Variants in CASKIN2 observed in about 807,000 individuals in gnomAD.
The protein encoded by CASKIN2 is caskin-2.
CASKIN2 carries 41 observed loss-of-function variants against 107.1 expected under a neutral mutation model. That is an observed-to-expected ratio of 0.38 (90% CI 0.30 to 0.50). CASKIN2 has a LOEUF of 0.50. Among genes scored for constraint, CASKIN2 ranks in the 20% least tolerant of loss-of-function variants. CASKIN2 has a pLI of 0.92. For missense variants in CASKIN2, 1,546 were observed against 1,657.4 expected (o/e 0.93, Z 1.17); for synonymous variants, 724 against 705.6 (o/e 1.03, Z -0.41).
rs374068787 is a variant in CASKIN2 at position 75,501,993 on chromosome 17, A to G, written c.3081T>C (p.Pro1027=). The change falls in exon 18 of 20, where the codon CCT becomes CCC. Residue 1027 remains proline, a synonymous_variant. Transcript: ENST00000321617. ...GPAAPLPSPT[P]GESPPASSLP... The stretch of plus-strand genomic sequence containing the variant: ...GGCTAGAAGCTGGAGGAGACTCGCC[A>G]GGAGTTGGGGAAGGCAGTGGGGCAG... 5.8e-5 allele frequency: 94 copies of G among 1,612,374 alleles called. No homozygotes were observed. Among genetic ancestry groups the G allele is most frequent in the East Asian group, 5.1e-4 (23 of 44,860 alleles).
In CASKIN2 at chr17:75,505,675, G is replaced by C. The variant is rs1357166539; in HGVS notation, c.836-24C>G. On this transcript the variant is annotated intron_variant, in intron 9 of 19. Transcript: ENST00000321617. This position sits in a 1 kb window ranked among gnomAD's most constrained non-coding sequence, Gnocchi z 5.1. ...CTCTAAGAAAACGGGGTGGGGGACA[G>C]GTGTCATCTAAGGGTCCTTAGGGCA... 2 of 1,605,150 alleles carry C rather than the reference G, an allele frequency of 1.2e-6. No homozygotes were observed. Among genetic ancestry groups the C allele is most frequent in the Non-Finnish European group, 1.7e-6 (2 of 1,174,050 alleles).
At position 75,506,455 on chromosome 17, in the gene CASKIN2, G is replaced by C. The variant is rs200502868; in HGVS notation, c.618-42C>G. On this transcript the variant is annotated intron_variant, in intron 7 of 19. Coordinates refer to ENST00000321617, the MANE Select transcript of CASKIN2 (RefSeq NM_020753.5). The surrounding 1 kb of genome is among the most constrained non-coding windows in gnomAD (Gnocchi z 4.8). ...GAGTCACGGGGGAGGTGGCGTAGGA[G>C]GGGGTGCTGACTGCTGGGGGCCTGG... The C allele has an allele frequency of 3.1e-6, 5 of 1,588,270 alleles. No individual in the cohort carries two copies. In the East Asian group the frequency reaches 1.1e-4, roughly 35 times the overall value.
Position 75,504,911 on chromosome 17 carries a change from G to A in CASKIN2, c.1093C>T (p.Pro365Ser). The stretch of plus-strand genomic sequence containing the variant: ...GGCTGCGGTGTCCGGGAGAAGCCTG[G>A]GCGCAGGGGGGTGGGTGCGGAGGGG... ...RLPSAPTPLR[P>S]GFSRTPQPPA... is the part of the protein sequence containing the mutation. Residue 365 changes from proline to serine, a missense_variant, in exon 11 of 20, where the codon CCA (proline) becomes TCA (serine). Transcript: ENST00000321617. The A allele has an allele frequency of 6.2e-7, 1 of 1,609,276 alleles. No homozygotes were observed. Among genetic ancestry groups the A allele is most frequent in the African/African-American group, 1.3e-5 (1 of 74,892 alleles).
In CASKIN2 at chr17:75,503,130, G is replaced by A. The variant is rs143732418; in HGVS notation, c.1944C>T (p.Ile648=). 265 of 1,606,230 alleles carry A rather than the reference G, an allele frequency of 1.6e-4. 1 individual carries two copies. In the Admixed American group the frequency reaches 3.2e-3, roughly 19 times the overall value. The change falls in exon 18 of 20, where the codon ATC becomes ATT. Residue 648 remains isoleucine (I), a synonymous_variant. Transcript: ENST00000321617. ...GGCCTTCTCCGTTCTCCAGTCCCTC[G>A]ATGGCCATCAGCTCCGGACCCTTGG... The part of the protein sequence containing the change: ...RLAKGPELMA[I]EGLENGEGPA...
chr17:75,502,980 C>T lies in CASKIN2; in HGVS notation c.2094G>A (p.Gln698=), dbSNP rs771536690. Residue 698 remains glutamine, a synonymous_variant, in exon 18 of 20, where the codon CAG becomes CAA. Coordinates refer to ENST00000321617, the MANE Select transcript of CASKIN2 (RefSeq NM_020753.5). The surrounding 1 kb of genome is among the most constrained non-coding windows in gnomAD (Gnocchi z 4.3). The stretch of plus-strand genomic sequence containing the variant: ...CCCGTGAGCGTGCCCCGATGCTCTC[C>T]TGGCTGGGAGAGCGGGCAGGTGGGA... ...LPLPPARSPS[Q]ESIGARSRGS... is the part of the protein sequence containing the mutation. 7.5e-6 allele frequency: 12 copies of T among 1,604,812 alleles called. No homozygotes were observed. In the African/African-American group the frequency reaches 1.6e-4, roughly 21 times the overall value.
Position 75,504,302 on chromosome 17 carries a change from G to A in CASKIN2, c.1380C>T (p.Asn460=), listed in dbSNP as rs373644461. 13 of 1,607,750 alleles carry A rather than the reference G, an allele frequency of 8.1e-6. No individual in the cohort carries two copies. Among genetic ancestry groups the A allele is most frequent in the Non-Finnish European group, 1.1e-5 (13 of 1,177,550 alleles). Residue 460 remains asparagine (N), a synonymous_variant, in exon 14 of 20, where the codon AAC becomes AAT. Coordinates refer to ENST00000321617, the MANE Select transcript of CASKIN2 (RefSeq NM_020753.5). ...PGLHPPSLAD[N]LSHRPLANCR... ...AGTTGGCCAGAGGGCGGTGGCTCAG[G>A]TTGTCTTCAAGGAGAGAGAAAAATG...
At position 75,505,441 on chromosome 17, in the gene CASKIN2, T is replaced by G; in HGVS notation, c.930+116A>C. ...CTGCCTTCCCTGGCTTTAAGAAGAA[T>G]TAAATGAGGGTGCATATAGAGACCT... On this transcript the variant is annotated intron_variant, in intron 10 of 19. Coordinates refer to ENST00000321617, the MANE Select transcript of CASKIN2 (RefSeq NM_020753.5). This position sits in a 1 kb window ranked among gnomAD's most constrained non-coding sequence, Gnocchi z 5.1. 2.2e-6 allele frequency: 2 copies of G among 917,872 alleles called. No homozygotes were observed. Among genetic ancestry groups the G allele is most frequent in the Non-Finnish European group, 3.5e-6 (2 of 571,822 alleles). The allele number at this position is 917,872 out of a possible 1,614,324, so 56.9% of individuals were successfully genotyped here.
Position 75,504,971 on chromosome 17 carries a change from C to G in CASKIN2, c.1033G>C (p.Val345Leu). ...GCAGGGATGCCCACCCGCTTGCTGA[C>G]CACCTCGACAATGCCCGGGGGGAAG... ...GYFPPGIVEV[V>L]SKRVGIPAAR... Residue 345 changes from valine (V) to leucine (L), a missense_variant, in exon 11 of 20, where the codon GTC (valine) becomes CTC (leucine). Val to Leu is a conservative substitution (Grantham distance 32, BLOSUM62 1). Around this residue, in one of 6 missense-constraint regions of CASKIN2, gnomAD observed 1,311 missense variants for 1,311.0 expected, o/e 1.00. Transcript: ENST00000321617. 2 of 1,612,214 alleles carry G rather than the reference C, an allele frequency of 1.2e-6. No homozygotes were observed. The highest frequency in any genetic ancestry group is 1.7e-6 in the Non-Finnish European group (2 of 1,179,678).
Position 75,503,752 on chromosome 17 carries a change from C to T in CASKIN2, c.1587G>A (p.Thr529=), listed in dbSNP as rs370943024. 41 of 1,612,226 alleles carry T rather than the reference C, an allele frequency of 2.5e-5. No individual in the cohort carries two copies. The highest frequency in any genetic ancestry group is 3.2e-5 in the Non-Finnish European group (38 of 1,179,980). The change falls in exon 16 of 20, where the codon ACG becomes ACA. Residue 529 remains threonine, a synonymous_variant. Coordinates refer to ENST00000321617, the MANE Select transcript of CASKIN2 (RefSeq NM_020753.5). ...GCCCAGGCTTGGTCACCCCGATGGC[C>T]GTCAGGTCCTGCCACACAAAGTCTG... ...TISRMTPEDL[T]AIGVTKPGHR...
At chr17:75,508,762 A>C (rs1428924613) in intron 2 of CASKIN2, among the ~76,000 whole-genome samples, 3 of 152,206 alleles carry the variant, frequency 2.0e-5, no homozygotes, top group Non-Finnish European at 4.4e-5. Context: ...ACAGACCTCT[A>C]CCCAACACTG....
At position 75,504,935 on chromosome 17, in the gene CASKIN2, G is replaced by T. The variant is rs1253096342; in HGVS notation, c.1069C>A (p.Pro357Thr). ...KRVGIPAARL[P>T]SAPTPLRPGF... ...GGGCGCAGGGGGGTGGGTGCGGAGGGGAGGCGGGCTGCAGGGATGCCCACC... is the reference window on the plus strand; with the variant it reads ...GGGCGCAGGGGGGTGGGTGCGGAGGTGAGGCGGGCTGCAGGGATGCCCACC... Residue 357 changes from proline to threonine, a missense_variant, in exon 11 of 20, where the codon CCC becomes ACC. Pro to Thr is a conservative substitution (Grantham distance 38). Coordinates refer to ENST00000321617, the MANE Select transcript of CASKIN2 (RefSeq NM_020753.5). The T allele has an allele frequency of 6.2e-7, 1 of 1,610,314 alleles. No individual in the cohort carries two copies. Among genetic ancestry groups the T allele is most frequent in the African/African-American group, 1.3e-5 (1 of 74,852 alleles).
intron 2 of CASKIN2, 135 bp from the exon 3 acceptor site, chr17:75,508,420 C>T (rs750196002): frequency 4.4e-5 from 42 of 951,444 alleles, no homozygotes; most frequent in Admixed American, 4.2e-4. Flanking sequence ...CCGCCTGTCC[C>T]GTCCCTGTGG....
rs2053175007 is a variant in CASKIN2 at position 75,501,135 on chromosome 17, T to C, written c.3554A>G (p.Asp1185Gly). 3 of 1,593,728 alleles carry C rather than the reference T, an allele frequency of 1.9e-6. No individual in the cohort carries two copies. In the East Asian group the frequency reaches 6.8e-5, roughly 36 times the overall value. The change falls in exon 20 of 20, where the codon GAC becomes GGC. Residue 1185 changes from aspartate to glycine, a missense_variant. Coordinates refer to ENST00000321617, the MANE Select transcript of CASKIN2 (RefSeq NM_020753.5). ...CAGGGCGTCGAACATGGTGCTGATG[T>C]CATCCAGAATGTGCTTGGTGGAGGC... ...PSASTKHILD[D>G]ISTMFDALAD...
intron 2 of CASKIN2, among the ~76,000 whole-genome samples, chr17:75,513,508 A>T (rs1486568812): frequency 1.3e-5 from 2 of 152,110 alleles, no homozygotes; most frequent in Non-Finnish European, 2.9e-5. Flanking sequence ...CAGCCCAGAG[A>T]GGTTAAGTGA....
In CASKIN2 at chr17:75,506,534, G is replaced by A. The variant is rs1282181654; in HGVS notation, c.617+49C>T. 5 of 1,606,048 alleles carry A rather than the reference G, an allele frequency of 3.1e-6. No homozygotes were observed. Among genetic ancestry groups the A allele is most frequent in the East Asian group, 2.2e-5 (1 of 44,750 alleles). Reference sequence around the variant, plus strand: ...GTGGGGGAGAGCACTGAGGGGCACCGATGGTCCCGCAGGCAGGTGATGAGG... The same window carrying A: ...GTGGGGGAGAGCACTGAGGGGCACCAATGGTCCCGCAGGCAGGTGATGAGG... On this transcript the variant is annotated intron_variant, in intron 7 of 19. Transcript: ENST00000321617. This position sits in a 1 kb window ranked among gnomAD's most constrained non-coding sequence, Gnocchi z 4.8.
intron 2 of CASKIN2, among the ~76,000 whole-genome samples, chr17:75,510,077 G>C (rs1295280985): frequency 6.6e-6 from 1 of 152,184 alleles, no homozygotes; most frequent in Non-Finnish European, 1.5e-5. Flanking sequence ...CCTTCTTCCC[G>C]GGCCTGGCGC....
rs776343251 is a variant in CASKIN2, at chr17:75,506,563, C to T, written c.617+20G>A. On this transcript the variant is annotated intron_variant, in intron 7 of 19. Transcript: ENST00000321617. The surrounding 1 kb of genome is among the most constrained non-coding windows in gnomAD (Gnocchi z 4.8). ...GTCCCGCAGGCAGGTGATGAGGAAG[C>T]GAGGGGACCCCAAGGGTACCTGATG... 3 of 1,610,514 alleles carry T rather than the reference C, an allele frequency of 1.9e-6. No individual in the cohort carries two copies. The highest frequency in any genetic ancestry group is 2.2e-5 in the South Asian group (2 of 90,850).
At chr17:75,512,165 G>C (rs2053320799) in intron 2 of CASKIN2, among the ~76,000 whole-genome samples, 1 of 152,218 alleles carries the variant, frequency 6.6e-6, no homozygotes, top group African/African-American at 2.4e-5. Context: ...CAGGTGTTCA[G>C]GTAGCCTGGG....
At chr17:75,510,409 T>C (rs1246978868) in intron 2 of CASKIN2, among the ~76,000 whole-genome samples, 1 of 151,278 alleles carries the variant, frequency 6.6e-6, no homozygotes, top group African/African-American at 2.4e-5. Context: ...AAAAGGGGAG[T>C]CCTGACGCCT....
Sources: allele counts gnomAD v4.1 joint callset (sites outside exome capture counted in the v4.1 genomes callset), GRCh38; gene constraint gnomAD v4.1.1; regional missense constraint gnomAD v4.1.1; non-coding constraint Gnocchi (gnomAD v3.1); transcripts MANE v1.5; gene names NCBI Gene and HGNC (gene_info 2026-07-23, HGNC 2026-07-21).